GRM7: variants seen among roughly 807,000 people sequenced by gnomAD.
GRM7 encodes the protein glutamate metabotropic receptor 7.
Under a neutral mutation model 84.5 loss-of-function variants are expected in GRM7, and 35 were observed. The ratio of observed to expected loss-of-function variants is 0.41; its 90% CI spans 0.32 to 0.55. GRM7 has a LOEUF of 0.55. Ranked by LOEUF, GRM7 falls within the 20% of genes least tolerant of loss-of-function variation. The pLI is 0.19. For missense variants in GRM7, 1,003 were observed against 1,194.6 expected, an observed-to-expected ratio of 0.84 and a Z score of 2.36; for synonymous variants, 487 against 455.1, an observed-to-expected ratio of 1.07 and a Z score of -0.89.
intron 9 of GRM7, among the ~76,000 whole-genome samples, chr3:7,683,182 G>A (rs886119674): frequency 5.3e-5 from 8 of 152,234 alleles, no homozygotes; most frequent in South Asian, 2.1e-4. Context: ...TAAACATACT[G>A]TAACGTATTA....
rs115173315 is a variant in GRM7, at chr3:7,734,666, A to T, written c.2699-5691A>T. 5.4e-3 allele frequency among the ~76,000 whole-genome samples: 824 copies of T among 152,314 alleles called. 10 individuals are homozygous for T. The highest frequency in any genetic ancestry group is 0.019 in the African/African-American group (794 of 41,560). ...GTGTCAACAAATCCAGGTACCAAAC[A>T]TATGAGCAATAGCCTCACATTCTCC... On this transcript the variant is annotated intron_variant, in intron 9 of 9. Transcript: ENST00000357716.
intron 2 of GRM7, among the ~76,000 whole-genome samples, chr3:7,213,628 A>C (rs1390885684): frequency 2.0e-5 from 3 of 152,198 alleles, no homozygotes; most frequent in African/African-American, 7.2e-5. Flanking sequence ...TGGCGGGAAC[A>C]GGAGGATAGA....
intron 1 of GRM7, among the ~76,000 whole-genome samples, chr3:7,002,684 T>C (rs886893606): frequency 1.3e-5 from 2 of 152,168 alleles, no homozygotes; most frequent in East Asian, 3.9e-4. Flanking sequence ...ATAGAGAGTC[T>C]TTTAAAAATT....
Position 7,578,034 on chromosome 3 carries a change from C to T in GRM7, c.1516-388C>T, listed in dbSNP as rs184704430. Among the ~76,000 whole-genome samples the T allele has an allele frequency of 1.7e-4, 26 of 152,138 alleles. No homozygotes were observed. The East Asian group carries it at 2.3e-3, about 14-fold the overall frequency. ...ATTTGGGACATTTATACTTATTACC[C>T]GGGGGGAAGACAGTAGAGTGCATGC... On this transcript the variant is annotated intron_variant, in intron 7 of 9. Transcript: ENST00000357716.
intron 3 of GRM7, among the ~76,000 whole-genome samples, chr3:7,304,590 T>G (rs1319458595): frequency 2.0e-5 from 3 of 152,002 alleles, no homozygotes; most frequent in Non-Finnish European, 4.4e-5. Flanking sequence ...TAGCTGGATA[T>G]AGGTCTTCTT....
intron 8 of GRM7, among the ~76,000 whole-genome samples, chr3:7,590,493 A>G (rs2125062799): frequency 6.6e-6 from 1 of 152,342 alleles, no homozygotes. Context: ...AAAAATATTT[A>G]TAAACCGGAA....
chr3:7,039,361 T>A (rs191643832), intron 1 of GRM7, among the ~76,000 whole-genome samples: 204 of 152,306 alleles, frequency 1.3e-3, no homozygotes, highest in Non-Finnish European at 2.1e-3. Flanking sequence ...TTTAAAAAAA[T>A]TTTTAATGTT....
At chr3:7,025,561 G>C (rs747251822) in intron 1 of GRM7, among the ~76,000 whole-genome samples, 3 of 152,108 alleles carry the variant, frequency 2.0e-5, no homozygotes, top group Non-Finnish European at 2.9e-5. Flanking sequence ...CTCTGTAAAG[G>C]CTGGGACATC....
intron 2 of GRM7, among the ~76,000 whole-genome samples, chr3:7,208,475 G>A (rs1696311975): frequency 6.6e-6 from 1 of 152,142 alleles, no homozygotes. Context: ...GCGGGATACA[G>A]ATTTATTTTA....
At chr3:7,705,026 T>C (rs1485107883) in intron 9 of GRM7, among the ~76,000 whole-genome samples, 1 of 152,094 alleles carries the variant, frequency 6.6e-6, no homozygotes, top group African/African-American at 2.4e-5. Context: ...TGGCTAGACA[T>C]GATAAGCAAG....
intron 7 of GRM7, among the ~76,000 whole-genome samples, chr3:7,509,131 A>G (rs1027187648): frequency 1.3e-5 from 2 of 152,084 alleles, no homozygotes; most frequent in Admixed American, 1.3e-4. Flanking sequence ...CTACCCACCC[A>G]TTCATCACTT....
At chr3:7,524,272 A>G (rs1700708612) in intron 7 of GRM7, among the ~76,000 whole-genome samples, 5 of 150,630 alleles carry the variant, frequency 3.3e-5, no homozygotes, top group Admixed American at 3.3e-4. Flanking sequence ...ATGGGATCCA[A>G]TTAAACTAAA....
At chr3:7,641,400 A>AAC (rs2125104918) in intron 8 of GRM7, among the ~76,000 whole-genome samples, 1 of 152,304 alleles carries the variant, frequency 6.6e-6, no homozygotes, top group African/African-American at 2.4e-5. Flanking sequence ...CAAACTAAGA[A>AAC]ACAGGTGAAG....
rs560838265 is a variant in GRM7, at chr3:7,567,884, G to A, written c.1516-10538G>A. The stretch of plus-strand genomic sequence containing the variant: ...GGGAGGGGGCATTCTTGGAACTTCC[G>A]CATTCATTTTCCAGTTCCAGTTTGT... On this transcript the variant is annotated intron_variant, in intron 7 of 9. Transcript: ENST00000357716. 1.3e-3 allele frequency among the ~76,000 whole-genome samples: 191 copies of A among 148,908 alleles called. 3 individuals carry two copies. The South Asian group carries it at 0.034, about 26-fold the overall frequency.
chr3:6,892,313 T>A (rs1333778925), intron 1 of GRM7, among the ~76,000 whole-genome samples: 2 of 152,100 alleles, frequency 1.3e-5, no homozygotes, highest in Non-Finnish European at 2.9e-5. Context: ...TGGGTCAGCA[T>A]CCCGTATCCT....
intron 6 of GRM7, among the ~76,000 whole-genome samples, chr3:7,460,262 T>A (rs1448282242): frequency 6.6e-6 from 1 of 152,150 alleles, no homozygotes; most frequent in African/African-American, 2.4e-5. Flanking sequence ...ATCATTGTTT[T>A]ATTTGCTTAT....
intron 2 of GRM7, among the ~76,000 whole-genome samples, chr3:7,224,243 G>T (rs2124883191): frequency 6.6e-6 from 1 of 152,278 alleles, no homozygotes; most frequent in South Asian, 2.1e-4. Flanking sequence ...GGAAGGGGGA[G>T]CGCATATATT....
chr3:7,389,711 T>C (rs1030240818), intron 4 of GRM7, among the ~76,000 whole-genome samples: 1 of 152,128 alleles, frequency 6.6e-6, no homozygotes, highest in African/African-American at 2.4e-5. Context: ...GCATGATAAA[T>C]CTTCATCCCT....
chr3:7,469,692 G>A (rs1477337876), intron 7 of GRM7, among the ~76,000 whole-genome samples: 2 of 152,126 alleles, frequency 1.3e-5, no homozygotes, highest in Non-Finnish European at 2.9e-5. Flanking sequence ...CCAGGATGAG[G>A]AAGGTCTCTC....
Sources: allele counts gnomAD v4.1 joint callset (sites outside exome capture counted in the v4.1 genomes callset), GRCh38; gene constraint gnomAD v4.1.1; transcripts MANE v1.5; gene names NCBI Gene and HGNC (gene_info 2026-07-23, HGNC 2026-07-21).